Variants in EPB41L4B observed in about 807,000 individuals in gnomAD.
EPB41L4B encodes band 4.1-like protein 4B.
In EPB41L4B, 30 loss-of-function variants were observed where a neutral mutation model predicts 112.5. That is an observed-to-expected ratio of 0.27 (90% CI 0.20 to 0.36). The LOEUF is 0.36. EPB41L4B is among the 10% of genes least tolerant of loss of function. The pLI, the probability that EPB41L4B is intolerant of heterozygous loss-of-function variation, is 1.00. For synonymous variants in EPB41L4B, 408 were observed against 439.7 expected (o/e 0.93, Z 0.90); for missense variants, 1,024 against 1,133.3 (o/e 0.90, Z 1.38).
chr9:109,196,799 T>G (rs1192415723), intron 20 of EPB41L4B, among the ~76,000 whole-genome samples: 3 of 151,932 alleles, frequency 2.0e-5, no homozygotes, highest in Non-Finnish European at 4.4e-5. Context: ...TCTCACTGCA[T>G]GTAGCAGCCA....
intron 1 of EPB41L4B, among the ~76,000 whole-genome samples, chr9:109,296,725 C>T (rs1365217751): frequency 6.6e-6 from 1 of 152,000 alleles, no homozygotes; most frequent in African/African-American, 2.4e-5. Context: ...CATCTCTACA[C>T]AAAATTTTAA....
At chr9:109,200,148 A>T (rs901683818) in intron 20 of EPB41L4B, 88 bp downstream of exon 20, 4 of 1,078,680 alleles carry the variant, frequency 3.7e-6, no homozygotes, top group Non-Finnish European at 4.2e-6. Flanking sequence ...GCTCCCTGGG[A>T]CTAGTCAGAA....
chr9:109,235,974 A>G (rs1834126481), intron 15 of EPB41L4B, among the ~76,000 whole-genome samples: 1 of 152,236 alleles, frequency 6.6e-6, no homozygotes, highest in Admixed American at 6.5e-5. Flanking sequence ...AAGCTTCCAC[A>G]CTTCACCTAA....
At chr9:109,249,693 A>G (rs1231275995) in intron 13 of EPB41L4B, among the ~76,000 whole-genome samples, 1 of 152,126 alleles carries the variant, frequency 6.6e-6, no homozygotes, top group African/African-American at 2.4e-5. Context: ...CGACAAGCTA[A>G]GAAAGGTACA....
At chr9:109,245,537 GA>G (rs1834522477) in intron 14 of EPB41L4B, among the ~76,000 whole-genome samples, 1 of 152,212 alleles carries the variant, frequency 6.6e-6, no homozygotes. Context: ...CATAGTAAGA[GA>G]GAAAAGGGAA....
chr9:109,268,556 T>G (rs1835491316), intron 2 of EPB41L4B, 123 bp from the exon 3 acceptor site: 1 of 828,172 alleles, frequency 1.2e-6, no homozygotes, highest in African/African-American at 1.8e-5. Flanking sequence ...TTGGATCATA[T>G]CATGGGTTCT....
In EPB41L4B at chr9:109,203,725, T is replaced by C; in HGVS notation, c.1884A>G (p.Gly628=). Residue 628 remains glycine, a synonymous_variant, in exon 19 of 26, where the codon GGA becomes GGG. Transcript: ENST00000374566. ...ENASRVNIQG[G]KEESPFVNIN... is the part of the protein sequence containing the mutation. ...TATTTACAAACGGTGATTCCTCCTT[T>C]CCACCCTGTTAAAGAAAGCATTCAG... The C allele has an allele frequency of 6.2e-7, 1 of 1,613,766 alleles. No homozygotes were observed. Among genetic ancestry groups the C allele is most frequent in the African/African-American group, 1.3e-5 (1 of 75,054 alleles).
At chr9:109,251,015 T>C (rs1468944896) in intron 13 of EPB41L4B, among the ~76,000 whole-genome samples, 2 of 152,204 alleles carry the variant, frequency 1.3e-5, no homozygotes, top group African/African-American at 4.8e-5. Context: ...GTGCTGGCAA[T>C]TTTCACTCTT....
intron 1 of EPB41L4B, among the ~76,000 whole-genome samples, chr9:109,303,776 G>A (rs972222107): frequency 6.6e-5 from 10 of 151,992 alleles, no homozygotes; most frequent in Non-Finnish European, 5.9e-5. Flanking sequence ...TAAATGCTAG[G>A]ATTATGGTTG....
At chr9:109,279,582 C>T (rs1835957622) in intron 2 of EPB41L4B, among the ~76,000 whole-genome samples, 1 of 152,136 alleles carries the variant, frequency 6.6e-6, no homozygotes, top group Non-Finnish European at 1.5e-5. Flanking sequence ...ATAATGCATC[C>T]CTAATGAATC....
chr9:109,310,639 A>G (rs1837384077), intron 1 of EPB41L4B, among the ~76,000 whole-genome samples: 1 of 152,216 alleles, frequency 6.6e-6, no homozygotes, highest in Non-Finnish European at 1.5e-5. Context: ...TTGGAAGATG[A>G]TCAGCATGAT....
chr9:109,258,501 TG>T (rs1835066611), intron 6 of EPB41L4B, among the ~76,000 whole-genome samples: 1 of 152,216 alleles, frequency 6.6e-6, no homozygotes. Flanking sequence ...ATGTCCTCCC[TG>T]TTGGGTGATA....
At chr9:109,266,862 G>A (rs763295851) in intron 4 of EPB41L4B, among the ~76,000 whole-genome samples, 32 of 150,978 alleles carry the variant, frequency 2.1e-4, no homozygotes, top group Non-Finnish European at 4.1e-4. Flanking sequence ...CCATCTACTC[G>A]GGTGGCTGAG....
chr9:109,275,830 C>T (rs994251503), intron 2 of EPB41L4B, among the ~76,000 whole-genome samples: 1 of 152,042 alleles, frequency 6.6e-6, no homozygotes, highest in South Asian at 2.1e-4. Flanking sequence ...GTGCTATTCA[C>T]TAAATGACTT....
intron 11 of EPB41L4B, among the ~76,000 whole-genome samples, chr9:109,254,475 A>C (rs1386510505): frequency 6.6e-6 from 1 of 151,840 alleles, no homozygotes; most frequent in Non-Finnish European, 1.5e-5. Context: ...AAACATTTGA[A>C]ATGAGCAAAT....
intron 12 of EPB41L4B, 96 bp downstream of exon 12, chr9:109,253,345 G>T: frequency 1.2e-6 from 1 of 813,940 alleles, no homozygotes; most frequent in Non-Finnish European, 2.1e-6. Flanking sequence ...GAGAACTGCG[G>T]GTACTTTCTT....
Position 109,183,267 on chromosome 9 carries a change from G to A in EPB41L4B, c.2419-470C>T, listed in dbSNP as rs1832133091. ...CTTACAGCAGGCAGGGTACAAGGCG[G>A]CTGGGCTAATTAAGCTAGAAAGTAT... On this transcript the variant is annotated intron_variant, in intron 23 of 25. Coordinates refer to ENST00000374566, the MANE Select transcript of EPB41L4B (RefSeq NM_019114.5). 1.3e-5 allele frequency among the ~76,000 whole-genome samples: 2 copies of A among 152,302 alleles called. 1 individual carries two copies. The highest frequency in any genetic ancestry group is 4.1e-4 in the South Asian group (2 of 4,820).
At position 109,279,834 on chromosome 9, in the gene EPB41L4B, C is replaced by T. The variant is rs534840539; in HGVS notation, c.394G>A (p.Asp132Asn). 6 of 1,614,018 alleles carry T rather than the reference C, an allele frequency of 3.7e-6. No homozygotes were observed. The highest frequency in any genetic ancestry group is 1.1e-5 in the South Asian group (1 of 91,066). The change falls in exon 2 of 26, where the codon GAC becomes AAC. Residue 132 changes from aspartate (D) to asparagine (N), a missense_variant. Physicochemically the swap from Asp to Asn is conservative, Grantham distance 23 (BLOSUM62 1). Transcript: ENST00000374566. ...TAACCTACCGCAACCTGGGCAGAGT[C>T]GAGGAACTGGAGGCCAAAGTAATCT... ...ETDYFGLQFL[D>N]SAQVAHWLDH...
intron 1 of EPB41L4B, among the ~76,000 whole-genome samples, chr9:109,280,526 G>C (rs939992915): frequency 6.6e-6 from 1 of 152,258 alleles, no homozygotes; most frequent in Non-Finnish European, 1.5e-5. Context: ...GTCAAGTCCT[G>C]CATCTGCCAC....
Sources: gnomAD v4.1 joint callset for allele counts (sites outside exome capture counted in the v4.1 genomes callset) on GRCh38, gnomAD v4.1.1 for gene constraint, MANE v1.5 for transcripts, NCBI Gene and HGNC (gene_info 2026-07-23, HGNC 2026-07-21) for gene names.